The following ZNF704 variants were observed in gnomAD, a reference collection of about 807,000 sequenced individuals.
ZNF704 encodes the protein glucocorticoid induced gene 1.
In ZNF704, 10 loss-of-function variants were observed where a neutral mutation model predicts 44.7. The observed-to-expected ratio is 0.22, with a 90% CI of 0.14 to 0.38. The LOEUF is 0.38. Ranked by LOEUF, ZNF704 falls within the 10% of genes least tolerant of loss-of-function variation. ZNF704 has a pLI of 1.00. For missense variants in ZNF704, 390 were observed against 545.5 expected (o/e 0.71, Z 2.84); for synonymous variants, 211 against 207.6 (o/e 1.02, Z -0.14).
chr8:80,649,509 G>C (rs1037641058), intron 7 of ZNF704, among the ~76,000 whole-genome samples: 3 of 152,212 alleles, frequency 2.0e-5, no homozygotes, highest in Non-Finnish European at 4.4e-5. Flanking sequence ...GGCACACCAG[G>C]AGATTATATC....
intron 5 of ZNF704, among the ~76,000 whole-genome samples, chr8:80,669,051 CCACT>C (rs1244348801): frequency 6.6e-6 from 1 of 152,126 alleles, no homozygotes; most frequent in East Asian, 1.9e-4. Flanking sequence ...TAGATTCCAC[CCACT>C]GTGAGAGCAC....
intron 7 of ZNF704, among the ~76,000 whole-genome samples, chr8:80,651,675 T>G (rs927317055): frequency 6.6e-6 from 1 of 152,122 alleles, no homozygotes; most frequent in African/African-American, 2.4e-5. Flanking sequence ...AGCAAGTCCT[T>G]AGAGACCTAC....
chr8:80,784,108 T>C lies in ZNF704; in HGVS notation c.221+37266A>G, dbSNP rs542994546. On this transcript the variant is annotated intron_variant, in intron 2 of 8. Coordinates refer to ENST00000327835, the MANE Select transcript of ZNF704 (RefSeq NM_001033723.3). ...TGTCTTTTTGTGGCTTGATAGCTCC[T>C]GCCTTTTTAGCACTGAATGGTATTC... Among the ~76,000 whole-genome samples, 8 of 152,318 alleles carry C rather than the reference T, an allele frequency of 5.3e-5. No homozygotes were observed. The South Asian group carries it at 1.7e-3, about 32-fold the overall frequency.
chr8:80,869,540 G>C (rs1034512748), intron 1 of ZNF704, among the ~76,000 whole-genome samples: 1 of 152,174 alleles, frequency 6.6e-6, no homozygotes, highest in Admixed American at 6.6e-5. Context: ...ATGGAGGAAG[G>C]TTCCCAAAGG....
At chr8:80,752,830 C>T (rs1050806364) in intron 2 of ZNF704, among the ~76,000 whole-genome samples, 1 of 152,168 alleles carries the variant, frequency 6.6e-6, no homozygotes, top group Non-Finnish European at 1.5e-5. Flanking sequence ...CATGAGCCAC[C>T]GCGCCTGGCC....
At chr8:80,653,334 G>A (rs1428860042) in intron 7 of ZNF704, among the ~76,000 whole-genome samples, 1 of 152,152 alleles carries the variant, frequency 6.6e-6, no homozygotes, top group East Asian at 1.9e-4. Flanking sequence ...TCAGGCAGGA[G>A]AAGGAAATAA....
At chr8:80,864,128 A>C (rs1025022517) in intron 1 of ZNF704, among the ~76,000 whole-genome samples, 3 of 152,214 alleles carry the variant, frequency 2.0e-5, no homozygotes, top group Non-Finnish European at 4.4e-5. Flanking sequence ...CTTTTTTAGA[A>C]ACTCAATACT....
At chr8:80,861,773 A>G (rs1809065117) in intron 1 of ZNF704, among the ~76,000 whole-genome samples, 1 of 151,398 alleles carries the variant, frequency 6.6e-6, no homozygotes, top group Non-Finnish European at 1.5e-5. Flanking sequence ...CTCCAGCTCC[A>G]TCTTCTCCAC....
chr8:80,738,930 A>C lies in ZNF704; in HGVS notation c.222-45823T>G, dbSNP rs1014714355. ...CTCAGACCCAGGGATGAAATCTGAG[A>C]TATGACAGGGCTCACACCAGCATGA... On this transcript the variant is annotated intron_variant, in intron 2 of 8. Transcript: ENST00000327835. 3.9e-5 allele frequency among the ~76,000 whole-genome samples: 6 copies of C among 152,184 alleles called. No individual in the cohort carries two copies. In the East Asian group the frequency reaches 1.2e-3, roughly 29 times the overall value.
intron 6 of ZNF704, among the ~76,000 whole-genome samples, chr8:80,662,633 G>A (rs908532981): frequency 6.6e-6 from 1 of 152,150 alleles, no homozygotes; most frequent in Non-Finnish European, 1.5e-5. Flanking sequence ...TCCTCTATAG[G>A]TGTAATTTTC....
At chr8:80,738,076 T>C (rs1366925431) in intron 2 of ZNF704, among the ~76,000 whole-genome samples, 1 of 152,196 alleles carries the variant, frequency 6.6e-6, no homozygotes, top group Non-Finnish European at 1.5e-5. Context: ...TTGTCTGATG[T>C]ATTTTCTCAT....
chr8:80,813,137 G>A (rs1409694667), intron 2 of ZNF704, among the ~76,000 whole-genome samples: 4 of 152,156 alleles, frequency 2.6e-5, no homozygotes, highest in East Asian at 1.9e-4. Context: ...CACCTTGTAC[G>A]ACAGTGCTAC....
At chr8:80,690,112 T>C (rs1396147546) in intron 3 of ZNF704, among the ~76,000 whole-genome samples, 2 of 152,038 alleles carry the variant, frequency 1.3e-5, no homozygotes, top group Non-Finnish European at 2.9e-5. Flanking sequence ...ATTTAAGAAT[T>C]TGCTTTTTCT....
chr8:80,748,812 A>G (rs1457147202), intron 2 of ZNF704, among the ~76,000 whole-genome samples: 1 of 152,214 alleles, frequency 6.6e-6, no homozygotes, highest in Non-Finnish European at 1.5e-5. Context: ...GGAAGTTACT[A>G]GTTCTGAGAC....
At chr8:80,737,054 T>A (rs1806679508) in intron 2 of ZNF704, among the ~76,000 whole-genome samples, 1 of 152,102 alleles carries the variant, frequency 6.6e-6, no homozygotes, top group Admixed American at 6.5e-5. Flanking sequence ...AATAACAGTT[T>A]TTGAACAATA....
chr8:80,834,249 GGTCA>G (rs1563570519), intron 1 of ZNF704, among the ~76,000 whole-genome samples: 1 of 151,962 alleles, frequency 6.6e-6, no homozygotes, highest in African/African-American at 2.4e-5. Context: ...GGATGCAAAT[GGTCA>G]GTATCTAGTG....
At chr8:80,753,307 T>C (rs1214475689) in intron 2 of ZNF704, among the ~76,000 whole-genome samples, 6 of 152,210 alleles carry the variant, frequency 3.9e-5, no homozygotes, top group Non-Finnish European at 8.8e-5. Flanking sequence ...AAACTCTTCC[T>C]TCCTGCTGGA....
At chr8:80,690,591 A>G (rs1487041650) in intron 3 of ZNF704, among the ~76,000 whole-genome samples, 1 of 152,206 alleles carries the variant, frequency 6.6e-6, no homozygotes, top group African/African-American at 2.4e-5. Context: ...CTTCTTTAGC[A>G]CTGCCAAAGT....
intron 2 of ZNF704, among the ~76,000 whole-genome samples, chr8:80,808,259 C>T (rs2129823736): frequency 6.6e-6 from 1 of 152,332 alleles, no homozygotes; most frequent in Middle Eastern, 3.4e-3. Context: ...CCCAAATTAT[C>T]TGCAACTGAA....
Sources: allele counts gnomAD v4.1 joint callset (sites outside exome capture counted in the v4.1 genomes callset), GRCh38; gene constraint gnomAD v4.1.1; transcripts MANE v1.5; gene names NCBI Gene and HGNC (gene_info 2026-07-23, HGNC 2026-07-21).